The following ATP2C1 variants were observed in gnomAD, a reference collection of about 807,000 sequenced individuals.
ATP2C1 encodes the protein ATPase secretory pathway Ca2+ transporting 1.
Under a neutral mutation model 120.5 loss-of-function variants are expected in ATP2C1, and 31 were observed. The ratio of observed to expected loss-of-function variants is 0.26; its 90% CI spans 0.19 to 0.35. The LOEUF (loss-of-function observed/expected upper bound fraction) is 0.35. ATP2C1 is among the 10% of genes least tolerant of loss of function. The pLI is 1.00. For synonymous variants in ATP2C1, 351 were observed against 358.7 expected, an observed-to-expected ratio of 0.98 and a Z score of 0.24; for missense variants, 731 against 1,107.5, an observed-to-expected ratio of 0.66 and a Z score of 4.83.
intron 1 of ATP2C1, among the ~76,000 whole-genome samples, chr3:130,855,533 G>A (rs941375066): frequency 5.3e-5 from 8 of 152,288 alleles, no homozygotes; most frequent in African/African-American, 1.7e-4. Context: ...TTATTTTACA[G>A]ACGTGAAACT....
Position 130,948,930 on chromosome 3 carries a change from G to A in ATP2C1, c.532-4891G>A, listed in dbSNP as rs1158272930. Among the ~76,000 whole-genome samples the A allele has an allele frequency of 5.3e-5, 8 of 152,126 alleles. No homozygotes were observed. In the East Asian group the frequency reaches 1.5e-3, roughly 29 times the overall value. On this transcript the variant is annotated intron_variant, in intron 8 of 27. Coordinates refer to ENST00000510168, the MANE Select transcript of ATP2C1 (RefSeq NM_001378687.1). The stretch of plus-strand genomic sequence containing the variant: ...GGCATCATTAACGATGTTCATGTAA[G>A]ACTATAAATGTAATGAGTAAATGTT...
intron 1 of ATP2C1, among the ~76,000 whole-genome samples, chr3:130,879,644 C>T (rs1170276277): frequency 2.0e-5 from 3 of 152,110 alleles, no homozygotes; most frequent in Admixed American, 1.3e-4. Flanking sequence ...AATATCTGTG[C>T]ATCTGGTGTA....
chr3:130,894,164 C>CCCCCAACA lies in ATP2C1; in HGVS notation c.-352_-351insCCAACACC. On this transcript the variant is annotated 5_prime_UTR_variant, in exon 1 of 28. Coordinates refer to ENST00000510168, the MANE Select transcript of ATP2C1 (RefSeq NM_001378687.1). This position sits in a 1 kb window ranked among gnomAD's most constrained non-coding sequence, Gnocchi z 4.5. ...TCCTCTTCTCTCCCCTCCCCGCCCG[C>CCCCCAACA]CCTCTCTCCCTCCCTTCCTCCCTCC... 1.2e-6 allele frequency: 1 copy of CCCCCAACA among 800,538 alleles called. No homozygotes were observed. The highest frequency in any genetic ancestry group is 1.5e-6 in the Non-Finnish European group (1 of 661,226). The allele number at this position is 800,538 out of a possible 1,614,324, so 49.6% of individuals were successfully genotyped here. A position where few individuals can be genotyped will look rare whatever the true frequency, so the allele number is the denominator to read the frequency against.
intron 26 of ATP2C1, 61 bp downstream of exon 26, chr3:130,998,450 A>C: frequency 8.1e-7 from 1 of 1,241,572 alleles, no homozygotes; most frequent in Non-Finnish European, 1.2e-6. Context: ...AGTGCTTTCT[A>C]ATAAGTAGGC....
intron 20 of ATP2C1, among the ~76,000 whole-genome samples, chr3:130,981,230 A>G (rs2061749309): frequency 6.6e-6 from 1 of 152,122 alleles, no homozygotes; most frequent in South Asian, 2.1e-4. Context: ...CTTGGCAGCC[A>G]CTAATTCTTT....
At chr3:130,900,795 A>G (rs1314483479) in intron 2 of ATP2C1, among the ~76,000 whole-genome samples, 2 of 152,178 alleles carry the variant, frequency 1.3e-5, no homozygotes, top group African/African-American at 2.4e-5. Context: ...TCTCATCTTA[A>G]ATCGGAGCCT....
chr3:130,965,853 A>C (rs913197737), intron 14 of ATP2C1, among the ~76,000 whole-genome samples: 2 of 152,136 alleles, frequency 1.3e-5, no homozygotes, highest in South Asian at 4.1e-4. Context: ...ATAAGAGAGC[A>C]GGAGCTATAT....
At chr3:130,858,934 A>G (rs1214267802) in intron 1 of ATP2C1, among the ~76,000 whole-genome samples, 5 of 152,178 alleles carry the variant, frequency 3.3e-5, no homozygotes, top group Non-Finnish European at 7.3e-5. Context: ...GCAGGGAGGG[A>G]TTATGATATA....
chr3:130,874,825 C>G (rs533700253), intron 1 of ATP2C1, among the ~76,000 whole-genome samples: 1 of 152,308 alleles, frequency 6.6e-6, no homozygotes, highest in East Asian at 1.9e-4. Context: ...AATCAGACTG[C>G]TGCATCTAAT....
chr3:130,936,955 C>CTA (rs977740125), intron 5 of ATP2C1, among the ~76,000 whole-genome samples: 10 of 152,014 alleles, frequency 6.6e-5, no homozygotes, highest in African/African-American at 2.4e-4. Flanking sequence ...AAATGGAATA[C>CTA]TAGCTTTCTA....
chr3:130,954,615 A>G (rs1235655266), intron 9 of ATP2C1, among the ~76,000 whole-genome samples: 1 of 151,992 alleles, frequency 6.6e-6, no homozygotes, highest in African/African-American at 2.4e-5. Context: ...CCTCCTGTGT[A>G]GTAGGGATTA....
chr3:130,945,995 T>C (rs74837259), intron 8 of ATP2C1, among the ~76,000 whole-genome samples: 4,091 of 152,116 alleles, frequency 0.027, 189 homozygotes, highest in African/African-American at 0.093. Context: ...GATAGCAAGA[T>C]TTTCTTTCAT....
At chr3:130,995,907 T>C (rs1228701898) in intron 22 of ATP2C1, 136 bp from the exon 23 acceptor site, 1 of 661,234 alleles carries the variant, frequency 1.5e-6, no homozygotes, top group African/African-American at 1.8e-5. Context: ...GGCCTCCCAG[T>C]GTGCTGGGAT....
intron 14 of ATP2C1, 61 bp from the exon 15 acceptor site, chr3:130,967,084 G>A: frequency 7.8e-7 from 1 of 1,286,474 alleles, no homozygotes; most frequent in Non-Finnish European, 1.1e-6. Flanking sequence ...GGTTTTATAG[G>A]TCTTGTCACC....
upstream of ATP2C1, among the ~76,000 whole-genome samples, chr3:130,890,388 T>C (rs1053214216): frequency 6.6e-6 from 1 of 152,220 alleles, no homozygotes; most frequent in Non-Finnish European, 1.5e-5. Context: ...AGACTGGTAG[T>C]ATATAAGATC....
intron 2 of ATP2C1, among the ~76,000 whole-genome samples, chr3:130,899,001 G>A (rs1369413609): frequency 1.3e-5 from 2 of 152,064 alleles, no homozygotes; most frequent in Non-Finnish European, 2.9e-5. Flanking sequence ...ATGGTTTCAG[G>A]CATCAGTTGT....
At chr3:130,975,608 G>C in intron 18 of ATP2C1, 120 bp downstream of exon 18, 6 of 1,205,874 alleles carry the variant, frequency 5.0e-6, no homozygotes, top group Non-Finnish European at 7.2e-6. Flanking sequence ...TAGAACCCTT[G>C]CCAGTATTGA....
intron 16 of ATP2C1, among the ~76,000 whole-genome samples, chr3:130,968,491 G>A (rs1256429717): frequency 6.6e-6 from 1 of 152,136 alleles, no homozygotes; most frequent in Non-Finnish European, 1.5e-5. Flanking sequence ...AGGATAGGAA[G>A]GGTTTAGATG....
At chr3:131,008,941 GT>G (rs2063214066) in intron 26 of ATP2C1, among the ~76,000 whole-genome samples, 1 of 152,176 alleles carries the variant, frequency 6.6e-6, no homozygotes, top group African/African-American at 2.4e-5. Flanking sequence ...AAGGCTTCTT[GT>G]TCTTACAGTG....
Sources: gnomAD v4.1 joint callset for allele counts (sites outside exome capture counted in the v4.1 genomes callset) on GRCh38, gnomAD v4.1.1 for gene constraint, Gnocchi (gnomAD v3.1) non-coding constraint, MANE v1.5 for transcripts, NCBI Gene and HGNC (gene_info 2026-07-23, HGNC 2026-07-21) for gene names.